Variants in GRK5 observed in about 807,000 individuals in gnomAD.
The protein encoded by GRK5 is G protein-coupled receptor kinase 5.
Under a neutral mutation model 78.4 loss-of-function variants are expected in GRK5, and 40 were observed. That is an observed-to-expected ratio of 0.51 (90% CI 0.40 to 0.66). GRK5 has a LOEUF of 0.66. GRK5 is among the 30% of genes least tolerant of loss of function. The pLI, the probability that GRK5 is intolerant of heterozygous loss-of-function variation, is 0.00. For missense variants in GRK5, 598 were observed against 759.9 expected (o/e 0.79, Z 2.50); for synonymous variants, 289 against 296.8 (o/e 0.97, Z 0.27).
Position 119,276,860 on chromosome 10 carries a change from A to G in GRK5, c.53-49656A>G, listed in dbSNP as rs932643801. On this transcript the variant is annotated intron_variant, in intron 1 of 15. Transcript: ENST00000392870. ...ACAGCGGGACCTGAACTCAAGTCTT[A>G]ACTTCTCCTCTAGGGCTCTTGTGTG... Among the ~76,000 whole-genome samples the G allele has an allele frequency of 9.9e-5, 15 of 152,180 alleles. No homozygotes were observed. The East Asian group carries it at 2.7e-3, about 27-fold the overall frequency.
intron 13 of GRK5, among the ~76,000 whole-genome samples, chr10:119,451,158 C>T (rs1393008012): frequency 6.7e-6 from 1 of 148,524 alleles, no homozygotes; most frequent in African/African-American, 2.5e-5. Context: ...ACAGTCATCC[C>T]ATCCCCACAC....
rs553949075 is a variant in GRK5 at position 119,419,586 on chromosome 10, T to C, written c.340-3580T>C. 1.1e-3 allele frequency among the ~76,000 whole-genome samples: 167 copies of C among 152,360 alleles called. 1 individual carries two copies. The highest frequency in any genetic ancestry group is 2.7e-3 in the Admixed American group (42 of 15,310). On this transcript the variant is annotated intron_variant, in intron 4 of 15. Transcript: ENST00000392870. ...TATAAAGCCAGACATTATTACCCACTCATTAACTCCCTTGTTAGGGCTTTG... is the reference window on the plus strand; with the variant it reads ...TATAAAGCCAGACATTATTACCCACCCATTAACTCCCTTGTTAGGGCTTTG...
At chr10:119,439,892 G>A (rs1345947542) in intron 10 of GRK5, 124 bp downstream of exon 10, 1 of 819,444 alleles carries the variant, frequency 1.2e-6, no homozygotes, top group Non-Finnish European at 2.0e-6. Flanking sequence ...ACTGCTCAGT[G>A]CTGGGTACCT....
chr10:119,435,134 G>A (rs530096510), intron 8 of GRK5, among the ~76,000 whole-genome samples: 30 of 152,316 alleles, frequency 2.0e-4, no homozygotes, highest in African/African-American at 6.7e-4. Context: ...GACTCAGCCC[G>A]TGAAACCACT....
At chr10:119,304,176 C>G (rs1850233304) in intron 1 of GRK5, among the ~76,000 whole-genome samples, 1 of 151,754 alleles carries the variant, frequency 6.6e-6, no homozygotes, top group African/African-American at 2.4e-5. Context: ...GCAGCCCTGG[C>G]TGAAGGACCA....
intron 6 of GRK5, among the ~76,000 whole-genome samples, chr10:119,429,153 G>A (rs971480505): frequency 7.9e-5 from 12 of 152,184 alleles, no homozygotes; most frequent in Non-Finnish European, 1.8e-4. Context: ...TGGGCCCTGT[G>A]TCCTGAGGAA....
chr10:119,208,949 G>T (rs191862273), intron 1 of GRK5, among the ~76,000 whole-genome samples: 1 of 151,944 alleles, frequency 6.6e-6, no homozygotes, highest in Admixed American at 6.6e-5. Context: ...TCTAGTGTGC[G>T]ACCTTTTTCA....
rs563573679 is a variant in GRK5 at position 119,431,274 on chromosome 10, G to C, written c.598-113G>C. On this transcript the variant is annotated intron_variant, in intron 7 of 15. Transcript: ENST00000392870. The surrounding 1 kb of genome is among the most constrained non-coding windows in gnomAD (Gnocchi z 4.8). Reference sequence around the variant, plus strand: ...AGCACTCATGAAGCCAGGCAGGGCCGGCTCTGACCCCATCCATTCTCTACC... The same window carrying C: ...AGCACTCATGAAGCCAGGCAGGGCCCGCTCTGACCCCATCCATTCTCTACC... The C allele has an allele frequency of 2.4e-6, 3 of 1,266,880 alleles. No individual in the cohort carries two copies. The African/African-American group carries it at 4.6e-5, about 19-fold the overall frequency. The allele number at this position is 1,266,880 out of a possible 1,614,324, so 78.5% of individuals were successfully genotyped here.
intron 3 of GRK5, among the ~76,000 whole-genome samples, chr10:119,391,434 G>A (rs1274798442): frequency 1.3e-5 from 2 of 152,220 alleles, no homozygotes; most frequent in Non-Finnish European, 2.9e-5. Flanking sequence ...ACAGATGGCC[G>A]GCCCCATGTG....
intron 4 of GRK5, among the ~76,000 whole-genome samples, chr10:119,407,335 A>G (rs1412452520): frequency 6.6e-6 from 1 of 152,208 alleles, no homozygotes. Context: ...ACTCTGTGCT[A>G]GAAACAAGGA....
At chr10:119,300,687 A>G (rs977995392) in intron 1 of GRK5, among the ~76,000 whole-genome samples, 1 of 152,200 alleles carries the variant, frequency 6.6e-6, no homozygotes, top group Non-Finnish European at 1.5e-5. Context: ...GATCAGTAGC[A>G]CTTGTATTTT....
In GRK5 at chr10:119,449,045, T is replaced by C. The variant is rs372770952; in HGVS notation, c.1404+785T>C. Among the ~76,000 whole-genome samples the C allele has an allele frequency of 4.1e-3, 609 of 150,180 alleles. 3 individuals carry two copies. Among genetic ancestry groups the C allele is most frequent in the African/African-American group, 0.014 (582 of 41,520 alleles). On this transcript the variant is annotated intron_variant, in intron 13 of 15. Transcript: ENST00000392870. Reference sequence around the variant, plus strand: ...CACGCTCCCGCGGATGACCCCTTGCTGGCAGGGGGACTGGGCCGGGGACTA... The same window carrying C: ...CACGCTCCCGCGGATGACCCCTTGCCGGCAGGGGGACTGGGCCGGGGACTA...
chr10:119,345,682 T>G (rs1851078179), intron 2 of GRK5, among the ~76,000 whole-genome samples: 1 of 152,190 alleles, frequency 6.6e-6, no homozygotes, highest in African/African-American at 2.4e-5. Context: ...GTCCACTGCC[T>G]ATGGTTCCTT....
chr10:119,255,811 A>G (rs560245919), intron 1 of GRK5, among the ~76,000 whole-genome samples: 1 of 152,288 alleles, frequency 6.6e-6, no homozygotes, highest in South Asian at 2.1e-4. Flanking sequence ...TCGTAGGTAC[A>G]CAGACGAGCA....
chr10:119,399,579 A>G (rs952892712), intron 4 of GRK5, among the ~76,000 whole-genome samples: 1 of 152,196 alleles, frequency 6.6e-6, no homozygotes, highest in African/African-American at 2.4e-5. Context: ...AGCTCTGTGA[A>G]AAAGAACCCT....
chr10:119,336,141 CA>C lies in GRK5; in HGVS notation c.148+9531del, dbSNP rs1448461882. ...CTGAGGTGAAGTGGGTTCAGTGTCCCAGAGACTGTTGCCTTGGAGTCATCGG... is the reference window on the plus strand; with the variant it reads ...CTGAGGTGAAGTGGGTTCAGTGTCCCGAGACTGTTGCCTTGGAGTCATCGG... On this transcript the variant is annotated intron_variant, in intron 2 of 15. Coordinates refer to ENST00000392870, the MANE Select transcript of GRK5 (RefSeq NM_005308.3). The surrounding 1 kb of genome is among the most constrained non-coding windows in gnomAD (Gnocchi z 4.5). 1 of 152,340 alleles carries C rather than the reference CA, an allele frequency of 6.6e-6. No individual in the cohort carries two copies. Among genetic ancestry groups the C allele is most frequent in the African/African-American group, 2.4e-5 (1 of 41,466 alleles). 9.4% of individuals were successfully genotyped at this position (152,340 alleles called of 1,614,324 possible).
At chr10:119,327,640 C>T (rs1030174841) in intron 2 of GRK5, among the ~76,000 whole-genome samples, 36 of 152,282 alleles carry the variant, frequency 2.4e-4, no homozygotes, top group African/African-American at 7.9e-4. Context: ...TCTAAATGGC[C>T]TCTTCACGGT....
chr10:119,396,832 GCC>G, intron 4 of GRK5, 60 bp downstream of exon 4: 1 of 1,313,676 alleles, frequency 7.6e-7, no homozygotes, highest in Admixed American at 1.7e-5. Context: ...AAAAATAGGA[GCC>G]CCTAAGTCTG....
chr10:119,278,006 G>T (rs1023720416), intron 1 of GRK5, among the ~76,000 whole-genome samples: 5 of 152,134 alleles, frequency 3.3e-5, no homozygotes, highest in Non-Finnish European at 7.3e-5. Flanking sequence ...TGCGCAGGTG[G>T]GTTGTTTCTA....
Sources: gnomAD v4.1 joint callset for allele counts (sites outside exome capture counted in the v4.1 genomes callset) on GRCh38, gnomAD v4.1.1 for gene constraint, Gnocchi (gnomAD v3.1) non-coding constraint, MANE v1.5 for transcripts, NCBI Gene and HGNC (gene_info 2026-07-23, HGNC 2026-07-21) for gene names.